The following SI variants were observed in gnomAD, a reference collection of about 807,000 sequenced individuals.
The protein encoded by SI is sucrase-isomaltase.
In SI, 235 loss-of-function variants were observed where a neutral mutation model predicts 253.3. That is an observed-to-expected ratio of 0.93 (90% CI 0.83 to 1.03). The LOEUF (loss-of-function observed/expected upper bound fraction) is 1.03. Ranked by LOEUF, SI falls within the 50% of genes least tolerant of loss-of-function variation. The pLI is 0.00. For missense variants in SI, 2,442 were observed against 2,211.1 expected (o/e 1.10, Z -2.09); for synonymous variants, 819 against 712.0 (o/e 1.15, Z -2.39).
At chr3:165,015,921 A>G in intron 32 of SI, 31 bp downstream of exon 32, 1 of 1,585,716 alleles carries the variant, frequency 6.3e-7, no homozygotes, top group Non-Finnish European at 8.7e-7. Flanking sequence ...GGAAACAAGA[A>G]ATAAGACTCA....
intron 44 of SI, 51 bp downstream of exon 44, chr3:164,991,301 TA>T: frequency 6.2e-7 from 1 of 1,603,608 alleles, no homozygotes; most frequent in Non-Finnish European, 8.5e-7. Flanking sequence ...TTAACAATGC[TA>T]GCATGATGTA....
At position 165,067,379 on chromosome 3, in the gene SI, A is replaced by T; in HGVS notation, c.596T>A (p.Phe199Tyr). The T allele has an allele frequency of 6.2e-7, 1 of 1,611,962 alleles. No individual in the cohort carries two copies. The highest frequency in any genetic ancestry group is 8.5e-7 in the Non-Finnish European group (1 of 1,178,602). The change falls in exon 6 of 48, where the codon TTT becomes TAT. Residue 199 changes from phenylalanine (F) to tyrosine (Y), a missense_variant. Physicochemically the swap from Phe to Tyr is conservative, Grantham distance 22. Coordinates refer to ENST00000264382, the MANE Select transcript of SI (RefSeq NM_001041.4). Reference protein sequence around the residue: ...LYDVKVAQNPFSIQVIRKSNG... With the variant: ...LYDVKVAQNPYSIQVIRKSNG... ...GCTTTTCCTAATAACTTGGATGCTA[A>T]ATGGGTTTTGGGCAACCTTCACATC...
chr3:165,071,364 A>C (rs1037949512), intron 3 of SI, among the ~76,000 whole-genome samples: 1 of 151,598 alleles, frequency 6.6e-6, no homozygotes, highest in Non-Finnish European at 1.5e-5. Context: ...CATTATTTTT[A>C]ATTTCTCATC....
Position 165,049,823 on chromosome 3 carries a change from A to G in SI, c.1565T>C (p.Val522Ala). 6.2e-7 allele frequency: 1 copy of G among 1,607,162 alleles called. No individual in the cohort carries two copies. Among genetic ancestry groups the G allele is most frequent in the Non-Finnish European group, 8.5e-7 (1 of 1,174,484 alleles). The change falls in exon 14 of 48, where the codon GTA (valine) becomes GCA (alanine). Residue 522 changes from valine (V) to alanine (A), a missense_variant. Coordinates refer to ENST00000264382, the MANE Select transcript of SI (RefSeq NM_001041.4). ...FIQGSTKGCNVNKLNYPPFTP... is the reference protein window; with the variant it reads ...FIQGSTKGCNANKLNYPPFTP... The stretch of plus-strand genomic sequence containing the variant: ...AAACGGTGGATAATTCAATTTGTTT[A>G]CATTACATCCTTTTGTTGAACCTTG...
chr3:165,041,345 T>C (rs1002680473), intron 17 of SI, among the ~76,000 whole-genome samples: 3 of 150,622 alleles, frequency 2.0e-5, no homozygotes, highest in Non-Finnish European at 4.4e-5. Context: ...AAAAAATAAA[T>C]TTTTTTTTTA....
rs542847909 is a variant in SI at position 165,012,423 on chromosome 3, G to A, written c.4062+557C>T. 4.6e-5 allele frequency among the ~76,000 whole-genome samples: 7 copies of A among 151,878 alleles called. No individual in the cohort carries two copies. The East Asian group carries it at 7.7e-4, about 17-fold the overall frequency. On this transcript the variant is annotated intron_variant, in intron 34 of 47. Coordinates refer to ENST00000264382, the MANE Select transcript of SI (RefSeq NM_001041.4). ...GTTATTACTGTAATAATTTTTTGTC[G>A]TTGTTGTTTTGTTTTGTTTTTTTGA...
rs898650750 is a variant in SI, at chr3:165,060,021, C to A, written c.1027G>T (p.Gly343Ter). The A allele has an allele frequency of 2.5e-6, 4 of 1,611,202 alleles. No homozygotes were observed. Among genetic ancestry groups the A allele is most frequent in the Non-Finnish European group, 3.4e-6 (4 of 1,178,188 alleles). ...CAATATGCTGGCATTGCTGGTAGTC[C>A]AACAAGCTTAAAGTAAATGAGCATG... Reference protein sequence around the residue: ...QVVQQYQQLVGLPAMPAYWNL... With the variant: ...QVVQQYQQLV The change falls in exon 10 of 48, where the codon GGA (glycine) becomes TGA (stop). Residue 343 changes from glycine (G) to a stop codon, truncating the protein, a stop_gained. Coordinates refer to ENST00000264382, the MANE Select transcript of SI (RefSeq NM_001041.4). LOFTEE classifies it high-confidence loss of function.
At position 165,017,991 on chromosome 3, in the gene SI, A is replaced by G. The variant is rs1719123542; in HGVS notation, c.3499T>C (p.Leu1167=). The change falls in exon 29 of 48, where the codon TTA becomes CTA. Residue 1167 remains leucine (L), a synonymous_variant. Transcript: ENST00000264382. Reference sequence around the variant, plus strand: ...TTACCCATTGCATTGCTGTTGAGTAAGAAAACACCATGAGCATTGCCCTCC... The same window carrying G: ...TTACCCATTGCATTGCTGTTGAGTAGGAAAACACCATGAGCATTGCCCTCC... The part of the protein sequence containing the change: ...EEEGNAHGVF[L]LNSNAMDVTF... The G allele has an allele frequency of 6.2e-7, 1 of 1,611,056 alleles. No homozygotes were observed. Among genetic ancestry groups the G allele is most frequent in the Non-Finnish European group, 8.5e-7 (1 of 1,177,432 alleles).
intron 13 of SI, among the ~76,000 whole-genome samples, 200 bp downstream of exon 13, chr3:165,054,994 T>C (rs1713625042): frequency 6.6e-6 from 1 of 152,160 alleles, no homozygotes; most frequent in African/African-American, 2.4e-5. Flanking sequence ...AAAACCTTGA[T>C]TGGCATTTTT....
At chr3:165,001,566 T>C (rs1375524621) in intron 37 of SI, among the ~76,000 whole-genome samples, 2 of 151,496 alleles carry the variant, frequency 1.3e-5, no homozygotes, top group Non-Finnish European at 3.0e-5. Flanking sequence ...TGAAACACTA[T>C]ATCATGGAAA....
At chr3:165,052,778 A>G (rs1490639352) in intron 13 of SI, among the ~76,000 whole-genome samples, 1 of 152,100 alleles carries the variant, frequency 6.6e-6, no homozygotes, top group Non-Finnish European at 1.5e-5. Context: ...ACTAAATCTA[A>G]ATATATATAG....
At chr3:165,087,028 C>T in the SI span, among the ~76,000 whole-genome samples, 1 of 152,130 alleles carries the variant, frequency 6.6e-6, no homozygotes, top group East Asian at 1.9e-4. Context: ...TGCTCCCCTA[C>T]AGAGCAAAGG....
the SI span, among the ~76,000 whole-genome samples, chr3:165,083,562 T>G: frequency 3.9e-5 from 6 of 151,992 alleles, no homozygotes; most frequent in Admixed American, 2.0e-4. Context: ...TAATCTATCT[T>G]CCTTTACCCA....
intron 38 of SI, among the ~76,000 whole-genome samples, chr3:164,996,993 C>T (rs1718041408): frequency 6.6e-6 from 1 of 151,678 alleles, no homozygotes; most frequent in African/African-American, 2.4e-5. Context: ...ATACTATAAG[C>T]TTCCTTGACA....
At chr3:165,052,211 A>G (rs574471099) in intron 13 of SI, among the ~76,000 whole-genome samples, 22 of 152,230 alleles carry the variant, frequency 1.4e-4, no homozygotes, top group Middle Eastern at 3.4e-3. Flanking sequence ...TTAATTCTCT[A>G]ATTTATCCAA....
Position 164,998,692 on chromosome 3 carries a change from A to G in SI, c.4407-19T>C, listed in dbSNP as rs182696977. Reference sequence around the variant, plus strand: ...CAATGCACTAATATAGTAGAGAAGTATTTTTGAGTTTTTACATGAGATATT... The same window carrying G: ...CAATGCACTAATATAGTAGAGAAGTGTTTTTGAGTTTTTACATGAGATATT... On this transcript the variant is annotated intron_variant, in intron 37 of 47. Coordinates refer to ENST00000264382, the MANE Select transcript of SI (RefSeq NM_001041.4). The G allele has an allele frequency of 2.5e-6, 4 of 1,604,794 alleles. No homozygotes were observed. In the East Asian group the frequency reaches 8.9e-5, roughly 36 times the overall value.
the SI span, among the ~76,000 whole-genome samples, chr3:165,084,193 G>T: frequency 6.6e-6 from 1 of 152,036 alleles, no homozygotes; most frequent in African/African-American, 2.4e-5. Context: ...CAACATGAAT[G>T]CACCATCTAT....
intron 3 of SI, among the ~76,000 whole-genome samples, chr3:165,071,742 CTG>C (rs1442001781): frequency 6.6e-6 from 1 of 151,982 alleles, no homozygotes; most frequent in African/African-American, 2.4e-5. Flanking sequence ...CTCTTTCTCT[CTG>C]TGCACGAAGA....
chr3:165,031,979 A>AAAAGT (rs1468826088), intron 24 of SI, among the ~76,000 whole-genome samples: 2 of 151,198 alleles, frequency 1.3e-5, no homozygotes, highest in Non-Finnish European at 3.0e-5. Context: ...TCTATACTAC[A>AAAAGT]ACTGTAAAAA....
Sources: allele counts gnomAD v4.1 joint callset (sites outside exome capture counted in the v4.1 genomes callset), GRCh38; gene constraint gnomAD v4.1.1; transcripts MANE v1.5; gene names NCBI Gene and HGNC (gene_info 2026-07-23, HGNC 2026-07-21).